The following FAM53B variants were observed in gnomAD, a reference collection of about 807,000 sequenced individuals.
FAM53B encodes protein FAM53B.
FAM53B carries 12 observed loss-of-function variants against 32.7 expected under a neutral mutation model. That is an observed-to-expected ratio of 0.37 (90% CI 0.24 to 0.59). The LOEUF (loss-of-function observed/expected upper bound fraction) is 0.59. FAM53B is among the 20% of genes least tolerant of loss of function. FAM53B has a pLI of 0.72. For missense variants in FAM53B, 477 were observed against 577.7 expected, an observed-to-expected ratio of 0.83 and a Z score of 1.79; for synonymous variants, 234 against 228.7, an observed-to-expected ratio of 1.02 and a Z score of -0.21.
intron 3 of FAM53B, among the ~76,000 whole-genome samples, chr10:124,686,683 C>G (rs77732460): frequency 6.6e-6 from 1 of 152,242 alleles, no homozygotes; most frequent in Non-Finnish European, 1.5e-5. Flanking sequence ...CCCAGTGTGG[C>G]TCCCCAGTGC....
chr10:124,694,341 C>A lies in FAM53B; in HGVS notation c.133+1817G>T, dbSNP rs529709141. Among the ~76,000 whole-genome samples the A allele has an allele frequency of 2.3e-3, 352 of 152,390 alleles. 3 individuals carry two copies. Among genetic ancestry groups the A allele is most frequent in the African/African-American group, 8.2e-3 (341 of 41,596 alleles). ...GAAAGCAGGTTGCTGGGCTCTGCAG[C>A]CTCCGATAGACTCTCCTGGGCCATC... is the stretch of plus-strand genomic sequence containing the variant. On this transcript the variant is annotated intron_variant, in intron 3 of 4. Coordinates refer to ENST00000337318, the MANE Select transcript of FAM53B (RefSeq NM_014661.4).
At chr10:124,705,444 G>A (rs1170462615) in intron 2 of FAM53B, 1 of 152,310 alleles carries the variant, frequency 6.6e-6, no homozygotes. Flanking sequence ...AAGTATCCCT[G>A]CTCCGCAAGG....
At chr10:124,649,981 C>T (rs895379298) in intron 4 of FAM53B, among the ~76,000 whole-genome samples, 12 of 152,146 alleles carry the variant, frequency 7.9e-5, no homozygotes, top group South Asian at 2.1e-4. Context: ...GCCCTCTCCT[C>T]GCAGGCTCAC....
intron 4 of FAM53B, among the ~76,000 whole-genome samples, chr10:124,655,549 C>T (rs541985370): frequency 3.9e-5 from 6 of 152,254 alleles, no homozygotes; most frequent in South Asian, 2.1e-4. Context: ...GACAGCCTCT[C>T]CTTGGGGTGA....
chr10:124,659,899 C>T (rs1213247413), intron 4 of FAM53B, among the ~76,000 whole-genome samples: 1 of 152,236 alleles, frequency 6.6e-6, no homozygotes, highest in Non-Finnish European at 1.5e-5. Flanking sequence ...CTCTGCCTCC[C>T]GAGTTCAAGC....
intron 4 of FAM53B, among the ~76,000 whole-genome samples, chr10:124,663,588 T>C (rs1284977601): frequency 6.6e-6 from 1 of 152,148 alleles, no homozygotes; most frequent in Non-Finnish European, 1.5e-5. Flanking sequence ...TACTTGGTGG[T>C]CTTGTTAAAA....
chr10:124,705,397 T>C (rs1949948140), intron 2 of FAM53B, among the ~76,000 whole-genome samples: 1 of 152,212 alleles, frequency 6.6e-6, no homozygotes, highest in Non-Finnish European at 1.5e-5. Context: ...ACCCAACGGT[T>C]TCTAAGCCAC....
intron 4 of FAM53B, among the ~76,000 whole-genome samples, chr10:124,667,966 G>A (rs536246073): frequency 1.8e-4 from 27 of 152,054 alleles, no homozygotes; most frequent in South Asian, 2.1e-4. Context: ...AGGGCTACTC[G>A]GCTGGTGAGG....
At chr10:124,632,112 C>T (rs542359533) in intron 4 of FAM53B, among the ~76,000 whole-genome samples, 1 of 152,334 alleles carries the variant, frequency 6.6e-6, no homozygotes, top group South Asian at 2.1e-4. Flanking sequence ...CCACGCGTGT[C>T]CTCTGAATGG....
intron 4 of FAM53B, among the ~76,000 whole-genome samples, chr10:124,638,327 A>G (rs1429604477): frequency 6.6e-6 from 1 of 152,146 alleles, no homozygotes; most frequent in Non-Finnish European, 1.5e-5. Flanking sequence ...CCAAGATTGC[A>G]CCACTGCACT....
intron 4 of FAM53B, among the ~76,000 whole-genome samples, chr10:124,650,516 C>T (rs1019564569): frequency 2.0e-5 from 3 of 152,348 alleles, no homozygotes; most frequent in Middle Eastern, 6.8e-3. Flanking sequence ...GCTCTACACC[C>T]TTTGGCCTAT....
intron 4 of FAM53B, among the ~76,000 whole-genome samples, chr10:124,661,002 A>G (rs1053605844): frequency 3.3e-5 from 5 of 151,446 alleles, no homozygotes; most frequent in African/African-American, 1.2e-4. Flanking sequence ...CTTCACCACT[A>G]TACAATTCAG....
intron 4 of FAM53B, among the ~76,000 whole-genome samples, chr10:124,632,205 A>T (rs538626552): frequency 7.2e-4 from 109 of 152,386 alleles, no homozygotes; most frequent in South Asian, 3.3e-3. Flanking sequence ...CAGATGGCAG[A>T]TGGCCTGCCC....
chr10:124,687,265 G>A (rs1022339551), intron 3 of FAM53B, among the ~76,000 whole-genome samples: 2 of 152,162 alleles, frequency 1.3e-5, no homozygotes, highest in Admixed American at 6.5e-5. Flanking sequence ...AGGCCTCCGA[G>A]AAGAGGATAC....
intron 4 of FAM53B, among the ~76,000 whole-genome samples, chr10:124,624,350 GAC>G (rs1249267951): frequency 3.9e-5 from 6 of 152,232 alleles, no homozygotes; most frequent in East Asian, 1.9e-4. Context: ...CTCACCTGGA[GAC>G]ACAGAGTCTC....
chr10:124,671,240 TC>T (rs1194977938), intron 4 of FAM53B: 4 of 447,568 alleles, frequency 8.9e-6, no homozygotes, highest in African/African-American at 8.0e-5. Flanking sequence ...TTCATCACCT[TC>T]CCTTTCTGCG....
At chr10:124,727,427 G>A (rs1010601502) in intron 1 of FAM53B, among the ~76,000 whole-genome samples, 2 of 151,726 alleles carry the variant, frequency 1.3e-5, no homozygotes, top group Admixed American at 6.6e-5. Flanking sequence ...CCTGAGACTA[G>A]CTTCCAAGAT....
intron 3 of FAM53B, among the ~76,000 whole-genome samples, chr10:124,686,683 C>T (rs77732460): frequency 0.05 from 7,654 of 152,350 alleles, 639 homozygotes; most frequent in African/African-American, 0.17. Flanking sequence ...CCCAGTGTGG[C>T]TCCCCAGTGC....
intron 1 of FAM53B, among the ~76,000 whole-genome samples, chr10:124,718,204 G>T (rs1009097801): frequency 2.6e-5 from 4 of 152,068 alleles, no homozygotes; most frequent in African/African-American, 7.2e-5. Flanking sequence ...AACAAGCTCT[G>T]TAAGAACTGC....
Sources: gnomAD v4.1 joint callset for allele counts (sites outside exome capture counted in the v4.1 genomes callset) on GRCh38, gnomAD v4.1.1 for gene constraint, MANE v1.5 for transcripts, NCBI Gene and HGNC (gene_info 2026-07-23, HGNC 2026-07-21) for gene names.